Variants in CTNNA3 observed in about 807,000 individuals in gnomAD.
CTNNA3 encodes catenin alpha 3.
In CTNNA3, 76 loss-of-function variants were observed where a neutral mutation model predicts 95.7. That is an observed-to-expected ratio of 0.79 (90% CI 0.66 to 0.96). The LOEUF is 0.96. Ranked by LOEUF, CTNNA3 falls within the 40% of genes least tolerant of loss-of-function variation. The pLI, the probability that CTNNA3 is intolerant of heterozygous loss-of-function variation, is 0.00. For missense variants in CTNNA3, 1,191 were observed against 1,089.8 expected, an observed-to-expected ratio of 1.09 and a Z score of -1.31; for synonymous variants, 431 against 374.4, an observed-to-expected ratio of 1.15 and a Z score of -1.74.
chr10:66,430,538 C>G (rs181032613), intron 11 of CTNNA3, among the ~76,000 whole-genome samples: 406 of 152,294 alleles, frequency 2.7e-3, no homozygotes, highest in Middle Eastern at 0.01. Flanking sequence ...CAGCATGATA[C>G]TGGTACCAAA....
intron 1 of CTNNA3, chr10:67,750,944 C>A: frequency 6.2e-7 from 1 of 1,608,248 alleles, no homozygotes; most frequent in South Asian, 1.1e-5. Context: ...AGACTTTGGG[C>A]CAAGCCAGAG....
At chr10:67,086,128 A>G (rs1857294885) in intron 7 of CTNNA3, among the ~76,000 whole-genome samples, 1 of 152,100 alleles carries the variant, frequency 6.6e-6, no homozygotes, top group African/African-American at 2.4e-5. Context: ...AGATGGATAG[A>G]TAAATGGATG....
At chr10:66,357,284 A>C (rs1343065580) in intron 12 of CTNNA3, among the ~76,000 whole-genome samples, 3 of 152,170 alleles carry the variant, frequency 2.0e-5, no homozygotes, top group Non-Finnish European at 4.4e-5. Context: ...TGCAACAGAT[A>C]GAGGACATTC....
chr10:67,039,384 G>A (rs1184331028), intron 7 of CTNNA3, among the ~76,000 whole-genome samples: 14 of 152,078 alleles, frequency 9.2e-5, no homozygotes, highest in Non-Finnish European at 1.8e-4. Flanking sequence ...CTGTGCAGCA[G>A]AAAAAGCCTA....
At chr10:66,901,633 C>A (rs1438021895) in intron 7 of CTNNA3, among the ~76,000 whole-genome samples, 1 of 152,192 alleles carries the variant, frequency 6.6e-6, no homozygotes. Context: ...AGGAGACCCA[C>A]CTCATGTGCA....
Position 66,582,844 on chromosome 10 carries a change from T to C in CTNNA3, c.1374+38848A>G, listed in dbSNP as rs922736307. 3.4e-4 allele frequency among the ~76,000 whole-genome samples: 52 copies of C among 151,986 alleles called. 1 individual carries two copies. Among genetic ancestry groups the C allele is most frequent in the African/African-American group, 1.1e-3 (44 of 41,532 alleles). ...TCTAGTTTGTTGAGGGTTTTTATCA[T>C]AAAGTCATGCTGGATTTTATTGAAT... On this transcript the variant is annotated intron_variant, in intron 10 of 17. Coordinates refer to ENST00000433211, the MANE Select transcript of CTNNA3 (RefSeq NM_013266.4).
chr10:67,024,733 C>A (rs1301821572), intron 7 of CTNNA3, among the ~76,000 whole-genome samples: 2 of 152,068 alleles, frequency 1.3e-5, no homozygotes, highest in African/African-American at 2.4e-5. Flanking sequence ...TTTGGAAGGA[C>A]CTTCAGAGCC....
At chr10:66,684,058 G>A (rs1250358015) in intron 9 of CTNNA3, among the ~76,000 whole-genome samples, 3 of 152,116 alleles carry the variant, frequency 2.0e-5, no homozygotes, top group Non-Finnish European at 4.4e-5. Flanking sequence ...GTGTGTCAAT[G>A]ACTAATTATC....
At chr10:66,496,783 C>T (rs1395325891) in intron 11 of CTNNA3, among the ~76,000 whole-genome samples, 6 of 152,140 alleles carry the variant, frequency 3.9e-5, no homozygotes, top group Non-Finnish European at 2.9e-5. Flanking sequence ...TTCAGAACAA[C>T]GGTGAATAAT....
At chr10:66,776,627 T>G (rs1415633404) in intron 7 of CTNNA3, among the ~76,000 whole-genome samples, 1 of 152,152 alleles carries the variant, frequency 6.6e-6, no homozygotes, top group Non-Finnish European at 1.5e-5. Context: ...CCTATAATTT[T>G]CTGTCTCTTC....
intron 11 of CTNNA3, among the ~76,000 whole-genome samples, chr10:66,401,286 G>A (rs559390374): frequency 7.9e-5 from 12 of 152,002 alleles, no homozygotes; most frequent in Non-Finnish European, 1.5e-4. Flanking sequence ...CAGCACGCTG[G>A]GAGGCTGAGG....
intron 15 of CTNNA3, among the ~76,000 whole-genome samples, chr10:66,064,429 C>A (rs1245250886): frequency 6.6e-6 from 1 of 152,122 alleles, no homozygotes; most frequent in African/African-American, 2.4e-5. Context: ...GGTGATCATT[C>A]TTTTTTGCAT....
At chr10:66,597,493 A>G (rs1449007728) in intron 10 of CTNNA3, among the ~76,000 whole-genome samples, 2 of 133,530 alleles carry the variant, frequency 1.5e-5, no homozygotes, top group African/African-American at 5.5e-5. Context: ...CCTGGTCAAC[A>G]TGGCATTTTA....
chr10:67,435,998 A>C (rs1331565517), intron 5 of CTNNA3, among the ~76,000 whole-genome samples: 1 of 152,158 alleles, frequency 6.6e-6, no homozygotes, highest in Non-Finnish European at 1.5e-5. Context: ...GGAACCAAAA[A>C]AGAGCCTGCA....
intron 11 of CTNNA3, among the ~76,000 whole-genome samples, chr10:66,483,700 G>A (rs1839622879): frequency 6.6e-6 from 1 of 151,962 alleles, no homozygotes; most frequent in Non-Finnish European, 1.5e-5. Context: ...TGCAGTTCAC[G>A]GAATTCTTGC....
At chr10:66,336,340 A>G (rs1224598176) in intron 12 of CTNNA3, among the ~76,000 whole-genome samples, 1 of 152,088 alleles carries the variant, frequency 6.6e-6, no homozygotes, top group Non-Finnish European at 1.5e-5. Flanking sequence ...GGAGCTGTAG[A>G]CTGGAGGTGT....
chr10:66,068,313 T>A (rs1191379515), intron 15 of CTNNA3, among the ~76,000 whole-genome samples: 1 of 152,162 alleles, frequency 6.6e-6, no homozygotes, highest in African/African-American at 2.4e-5. Flanking sequence ...ATCAAATTTT[T>A]GTTTATCCAG....
At chr10:67,494,176 C>T (rs2133086086) in intron 5 of CTNNA3, among the ~76,000 whole-genome samples, 1 of 152,166 alleles carries the variant, frequency 6.6e-6, no homozygotes, top group African/African-American at 2.4e-5. Flanking sequence ...CTATGGATTC[C>T]ACTGAAGAAG....
At chr10:65,970,347 C>T (rs2078067798) in intron 16 of CTNNA3, among the ~76,000 whole-genome samples, 1 of 152,052 alleles carries the variant, frequency 6.6e-6, no homozygotes, top group African/African-American at 2.4e-5. Flanking sequence ...GCCCACAGAT[C>T]TATAGCGCAA....
Sources: allele counts gnomAD v4.1 joint callset (sites outside exome capture counted in the v4.1 genomes callset), GRCh38; gene constraint gnomAD v4.1.1; transcripts MANE v1.5; gene names NCBI Gene and HGNC (gene_info 2026-07-23, HGNC 2026-07-21).